The following USP45 variants were observed in gnomAD, a reference collection of about 807,000 sequenced individuals.
USP45 encodes ubiquitin carboxyl-terminal hydrolase 45.
USP45 carries 89 observed loss-of-function variants against 95.8 expected under a neutral mutation model. That is an observed-to-expected ratio of 0.93 (90% CI 0.78 to 1.11). USP45 has a LOEUF of 1.11. Among genes scored for constraint, USP45 ranks in the 50% least tolerant of loss-of-function variants. The pLI, the probability that USP45 is intolerant of heterozygous loss-of-function variation, is 0.00. For missense variants in USP45, 898 were observed against 942.5 expected (o/e 0.95, Z 0.62); for synonymous variants, 281 against 316.2 (o/e 0.89, Z 1.18).
intron 13 of USP45, among the ~76,000 whole-genome samples, chr6:99,460,429 A>G (rs1786142634): frequency 6.6e-6 from 1 of 152,174 alleles, no homozygotes; most frequent in Non-Finnish European, 1.5e-5. Context: ...ACCACATGAT[A>G]AACAAAAATA....
chr6:99,445,979 T>G lies in USP45; in HGVS notation c.1793A>C (p.Tyr598Ser). Residue 598 changes from tyrosine (Y) to serine (S), a missense_variant, in exon 14 of 18, where the codon TAT (tyrosine) becomes TCT (serine). Tyr to Ser is a moderately radical substitution (Grantham distance 144). Transcript: ENST00000500704. The stretch of plus-strand genomic sequence containing the variant: ...GGTCTGAAAAGCATTTTGGGGACTA[T>G]AAGACCTCAAATGCTTCCCCTCTAA... ...CFLEGKHLRS[Y>S]SPQNAFQTLS... 1 of 1,614,048 alleles carries G rather than the reference T, an allele frequency of 6.2e-7. No homozygotes were observed.
At position 99,484,551 on chromosome 6, in the gene USP45, C is replaced by G. The variant is rs567046006; in HGVS notation, c.715-1668G>C. ...CCATGACTCACATCTGTAACCTCCA[C>G]ACTTTGGGAGGCCAAGGTGGAAGGA... On this transcript the variant is annotated intron_variant, in intron 7 of 17. Coordinates refer to ENST00000500704, the MANE Select transcript of USP45 (RefSeq NM_001346022.3). Among the ~76,000 whole-genome samples the G allele has an allele frequency of 2.0e-5, 3 of 152,274 alleles. No homozygotes were observed. In the South Asian group the frequency reaches 6.2e-4, roughly 32 times the overall value.
chr6:99,447,633 A>G (rs2128557160), intron 13 of USP45, among the ~76,000 whole-genome samples: 1 of 152,340 alleles, frequency 6.6e-6, no homozygotes, highest in South Asian at 2.1e-4. Flanking sequence ...GGCACAGCCC[A>G]ACAAAAGGCA....
chr6:99,458,580 G>C (rs188154480), intron 13 of USP45, among the ~76,000 whole-genome samples: 60 of 152,290 alleles, frequency 3.9e-4, no homozygotes, highest in African/African-American at 1.4e-3. Flanking sequence ...CAGACTACTT[G>C]TATGATCTTA....
chr6:99,442,436 G>A (rs998779379), intron 15 of USP45, among the ~76,000 whole-genome samples: 39 of 152,194 alleles, frequency 2.6e-4, no homozygotes, highest in African/African-American at 8.7e-4. Flanking sequence ...ATCTCCTCTC[G>A]CACATCTGGA....
At chr6:99,452,280 T>G (rs569746248) in intron 13 of USP45, among the ~76,000 whole-genome samples, 1 of 152,152 alleles carries the variant, frequency 6.6e-6, no homozygotes. Context: ...AACCTACTCA[T>G]GTGACAAAGG....
intron 13 of USP45, among the ~76,000 whole-genome samples, chr6:99,459,083 A>AC (rs1173597001): frequency 6.6e-6 from 1 of 152,060 alleles, no homozygotes. Context: ...TTATTTCTTC[A>AC]CCCAGGTACT....
chr6:99,508,609 C>A lies in USP45; in HGVS notation c.273+1G>T, dbSNP rs1489798129. ...TCACATATAAATAATACTTTTCTTA[C>A]CTGGAAGCCACACTTGAGGCACAAC... On this transcript the variant is annotated splice_donor_variant, in intron 3 of 17. Coordinates refer to ENST00000500704, the MANE Select transcript of USP45 (RefSeq NM_001346022.3). LOFTEE classifies it high-confidence loss of function. The A allele has an allele frequency of 1.2e-6, 2 of 1,609,804 alleles. No homozygotes were observed. Among genetic ancestry groups the A allele is most frequent in the Non-Finnish European group, 1.7e-6 (2 of 1,178,836 alleles).
intron 14 of USP45, among the ~76,000 whole-genome samples, chr6:99,445,398 G>A (rs993570431): frequency 2.0e-5 from 3 of 151,496 alleles, no homozygotes; most frequent in African/African-American, 4.9e-5. Flanking sequence ...CAGAATAATC[G>A]CTTGAACTCA....
In USP45 at chr6:99,443,141, C is replaced by T. The variant is rs145349868; in HGVS notation, c.2073+424G>A. On this transcript the variant is annotated intron_variant, in intron 15 of 17. Transcript: ENST00000500704. ...CTGAGGCAGGAGAATTGCTTAAACC[C>T]GGGAAGTGGAGGTTGCAGTGAGCTG... is the stretch of plus-strand genomic sequence containing the variant. 7.3e-3 allele frequency among the ~76,000 whole-genome samples: 1,114 copies of T among 152,172 alleles called. 14 individuals are homozygous for T. Among genetic ancestry groups the T allele is most frequent in the African/African-American group, 0.025 (1,053 of 41,524 alleles).
chr6:99,445,286 C>T (rs1278587800), intron 14 of USP45, among the ~76,000 whole-genome samples: 1 of 151,978 alleles, frequency 6.6e-6, no homozygotes, highest in Non-Finnish European at 1.5e-5. Context: ...CATTCAAGAC[C>T]AGCCTGGCCA....
At chr6:99,492,013 A>C (rs977044436) in intron 5 of USP45, among the ~76,000 whole-genome samples, 1 of 152,232 alleles carries the variant, frequency 6.6e-6, no homozygotes, top group Non-Finnish European at 1.5e-5. Flanking sequence ...GAAATAAATT[A>C]TATTTTAATC....
chr6:99,494,827 G>C (rs899844028), intron 5 of USP45, among the ~76,000 whole-genome samples: 1 of 152,178 alleles, frequency 6.6e-6, no homozygotes, highest in African/African-American at 2.4e-5. Flanking sequence ...CCGGGAGGCA[G>C]AGGTTGCAGT....
At position 99,484,003 on chromosome 6, in the gene USP45, A is replaced by AGTTTTTTT. The variant is rs1384548677; in HGVS notation, c.715-1128_715-1121dup. ...GAAAGGACAGGCTATAATTTTCCATAGTTTTTTTTTTTTTTTTTTTTTAAA... is the reference window on the plus strand; with the variant it reads ...GAAAGGACAGGCTATAATTTTCCATAGTTTTTTTGTTTTTTTTTTTTTTTTTTTTTAAA... On this transcript the variant is annotated intron_variant, in intron 7 of 17. Coordinates refer to ENST00000500704, the MANE Select transcript of USP45 (RefSeq NM_001346022.3). 1.9e-3 allele frequency among the ~76,000 whole-genome samples: 77 copies of AGTTTTTTT among 40,966 alleles called. 1 individual carries two copies. Among genetic ancestry groups the AGTTTTTTT allele is most frequent in the Non-Finnish European group, 2.4e-3 (56 of 23,186 alleles). 26.9% of individuals were successfully genotyped at this position (40,966 alleles called of 152,430 possible). A position where few individuals can be genotyped will look rare whatever the true frequency, so the allele number is the denominator to read the frequency against.
intron 5 of USP45, among the ~76,000 whole-genome samples, chr6:99,501,498 C>G (rs1797343643): frequency 6.6e-6 from 1 of 152,184 alleles, no homozygotes; most frequent in Non-Finnish European, 1.5e-5. Context: ...ATCACTGTGA[C>G]TACTATATTA....
intron 13 of USP45, among the ~76,000 whole-genome samples, chr6:99,459,132 C>T (rs1030597377): frequency 6.6e-6 from 1 of 152,062 alleles, no homozygotes; most frequent in Non-Finnish European, 1.5e-5. Context: ...GATCCTCTCC[C>T]TCCTCCCACC....
At chr6:99,457,255 T>A (rs1415488957) in intron 13 of USP45, among the ~76,000 whole-genome samples, 1 of 152,200 alleles carries the variant, frequency 6.6e-6, no homozygotes, top group Non-Finnish European at 1.5e-5. Flanking sequence ...GTAAAGTACT[T>A]GATGTCTGTG....
At chr6:99,512,776 T>C (rs1800176697) in intron 1 of USP45, among the ~76,000 whole-genome samples, 1 of 152,238 alleles carries the variant, frequency 6.6e-6, no homozygotes, top group African/African-American at 2.4e-5. Flanking sequence ...AAAAAGCCTC[T>C]GAGTTCCTTG....
chr6:99,478,993 A>G (rs752153202), intron 8 of USP45, among the ~76,000 whole-genome samples: 2 of 151,370 alleles, frequency 1.3e-5, no homozygotes, highest in Non-Finnish European at 2.9e-5. Context: ...CCAAAATGCA[A>G]ACTAATCTAT....
Sources: allele counts gnomAD v4.1 joint callset (sites outside exome capture counted in the v4.1 genomes callset), GRCh38; gene constraint gnomAD v4.1.1; transcripts MANE v1.5; gene names NCBI Gene and HGNC (gene_info 2026-07-23, HGNC 2026-07-21).